ERBB2: variants seen among roughly 807,000 people sequenced by gnomAD.
ERBB2 encodes receptor tyrosine-protein kinase erbB-2.
Under a neutral mutation model 149.0 loss-of-function variants are expected in ERBB2, and 61 were observed. The ratio of observed to expected loss-of-function variants is 0.41; its 90% confidence interval spans 0.33 to 0.51. The LOEUF is 0.51. Among genes scored for constraint, ERBB2 ranks in the 20% least tolerant of loss-of-function variants. The pLI is 0.25. For missense variants in ERBB2, 1,205 were observed against 1,655.1 expected, an observed-to-expected ratio of 0.73 and a Z score of 4.72; for synonymous variants, 633 against 678.8, an observed-to-expected ratio of 0.93 and a Z score of 1.05.
upstream of ERBB2, among the ~76,000 whole-genome samples, chr17:39,691,959 C>A (rs181058740): frequency 0.013 from 1,124 of 88,644 alleles, 21 homozygotes; most frequent in African/African-American, 0.042. Flanking sequence ...ATATATATAT[C>A]TCTTGTGTCT....
chr17:39,694,294 T>A (rs1347819371), upstream of ERBB2, among the ~76,000 whole-genome samples: 1 of 52,902 alleles, frequency 1.9e-5, no homozygotes, highest in African/African-American at 5.9e-5. Context: ...TATATACACA[T>A]ATATATGTGT....
chr17:39,699,932 TC>T (rs1374023164), upstream of ERBB2: 5 of 1,098,364 alleles, frequency 4.6e-6, no homozygotes, highest in Non-Finnish European at 5.9e-6. Flanking sequence ...GAGTTGCCAC[TC>T]CCAGACTTGT....
At chr17:39,701,789 G>T (rs1163441047) in intron 1 of ERBB2, among the ~76,000 whole-genome samples, 3 of 152,158 alleles carry the variant, frequency 2.0e-5, no homozygotes, top group Admixed American at 2.0e-4. Context: ...ATAAACAGAG[G>T]GAGGTAGCCT....
In ERBB2 at chr17:39,727,255, C is replaced by T. The variant is rs1032800069; in HGVS notation, c.3160-40C>T. ...TTCCATGGAGTCCCCATCCCAGATC[C>T]GTGAGTGACCCCCATCATGACTTTC... is the stretch of plus-strand genomic sequence containing the variant. On this transcript the variant is annotated intron_variant, in intron 25 of 26. Transcript: ENST00000269571. This position sits in a 1 kb window ranked among gnomAD's most constrained non-coding sequence, Gnocchi z 4.3. The T allele has an allele frequency of 1.5e-5, 24 of 1,608,148 alleles. No individual in the cohort carries two copies. Among genetic ancestry groups the T allele is most frequent in the Non-Finnish European group, 1.9e-5 (22 of 1,178,358 alleles).
chr17:39,710,060 C>A (rs2145499621), intron 5 of ERBB2, 26 bp from the exon 6 acceptor site: 1 of 1,589,396 alleles, frequency 6.3e-7, no homozygotes. Flanking sequence ...CGCCACTCAG[C>A]CCTCATCCTG....
intron 1 of ERBB2, among the ~76,000 whole-genome samples, chr17:39,704,226 G>A (rs2058280176): frequency 6.6e-6 from 1 of 152,108 alleles, no homozygotes; most frequent in Admixed American, 6.6e-5. Context: ...GGTTCCTGAG[G>A]GGCAGGGTCC....
rs767164590 is a variant in ERBB2 at position 39,724,902 on chromosome 17, G to C, written c.2484G>C (p.Gln828His). The C allele has an allele frequency of 6.2e-7, 1 of 1,614,040 alleles. No individual in the cohort carries two copies. The highest frequency in any genetic ancestry group is 8.5e-7 in the Non-Finnish European group (1 of 1,179,900). ...AGGACCTGCTGAACTGGTGTATGCA[G>C]ATTGCCAAGGTATGCACCTGGGCTC... Reference protein sequence around the residue: ...GSQDLLNWCMQIAKGMSYLED... With the variant: ...GSQDLLNWCMHIAKGMSYLED... Residue 828 changes from glutamine to histidine, a missense_variant, in exon 20 of 27, where the codon CAG becomes CAC. Gln to His is a conservative substitution (Grantham distance 24). Transcript: ENST00000269571.
intron 8 of ERBB2, 46 bp from the exon 9 acceptor site, chr17:39,712,276 A>G (rs2145572463): frequency 6.2e-7 from 1 of 1,611,968 alleles, no homozygotes; most frequent in Non-Finnish European, 8.5e-7. Context: ...CTGTCCCGGT[A>G]TGAAGGCTGA....
chr17:39,724,890 C>CTGGT lies in ERBB2; in HGVS notation c.2473_2476dup (p.Cys826LeufsTer49). The CTGGT allele has an allele frequency of 6.2e-7, 1 of 1,614,146 alleles. No homozygotes were observed. Among genetic ancestry groups the CTGGT allele is most frequent in the Non-Finnish European group, 8.5e-7 (1 of 1,179,994 alleles). On this transcript the variant is annotated frameshift_variant, in exon 20 of 27. Coordinates refer to ENST00000269571, the MANE Select transcript of ERBB2 (RefSeq NM_004448.4). LOFTEE classifies it high-confidence loss of function. ...GCCTGGGCTCCCAGGACCTGCTGAA[C>CTGGT]TGGTGTATGCAGATTGCCAAGGTAT...
At chr17:39,724,416 C>T (rs1230048007) in intron 19 of ERBB2, among the ~76,000 whole-genome samples, 6 of 151,728 alleles carry the variant, frequency 4.0e-5, no homozygotes, top group Non-Finnish European at 8.8e-5. Flanking sequence ...CGAGCCACCA[C>T]GCCCGGCTAA....
chr17:39,723,319 C>T lies in ERBB2; in HGVS notation c.1947C>T (p.Ser649=), dbSNP rs2145801734. 1 of 1,613,946 alleles carries T rather than the reference C, an allele frequency of 6.2e-7. No homozygotes were observed. Among genetic ancestry groups the T allele is most frequent in the South Asian group, 1.1e-5 (1 of 91,068 alleles). Residue 649 remains serine (S), a splice_region_variant and synonymous_variant, in exon 17 of 27, where the codon AGC becomes AGT. Coordinates refer to ENST00000269571, the MANE Select transcript of ERBB2 (RefSeq NM_004448.4). This position sits in a 1 kb window ranked among gnomAD's most constrained non-coding sequence, Gnocchi z 6.2. ...CCCTGACCCTGGCTTCCGCCCCCAG[C>T]CCTCTGACGTCCATCATCTCTGCGG... ...DKGCPAEQRA[S]PLTSIISAVV...
intron 14 of ERBB2, chr17:39,717,081 T>C: frequency 2.0e-6 from 1 of 494,838 alleles, no homozygotes; most frequent in Non-Finnish European, 3.6e-6. Flanking sequence ...TGCGTTTTCC[T>C]CTCTGGGTGC....
chr17:39,694,041 C>T (rs1186630688), upstream of ERBB2, among the ~76,000 whole-genome samples: 1 of 146,768 alleles, frequency 6.8e-6, no homozygotes, highest in Non-Finnish European at 1.5e-5. Flanking sequence ...CAAAAATTAG[C>T]TGGATGTGGT....
Position 39,726,923 on chromosome 17 carries a change from C to G in ERBB2, c.3079C>G (p.Gln1027Glu). Residue 1027 changes from glutamine (Q) to glutamate (E), a missense_variant, in exon 25 of 27, where the codon CAG (glutamine) becomes GAG (glutamate). Around this residue, in one of 6 missense-constraint regions of ERBB2, gnomAD observed 312 missense variants for 343.8 expected, o/e 0.91. Coordinates refer to ENST00000269571, the MANE Select transcript of ERBB2 (RefSeq NM_004448.4). The surrounding 1 kb of genome is among the most constrained non-coding windows in gnomAD (Gnocchi z 5.1). ...LVDAEEYLVP[Q>E]QGFFCPDPAP... ...GGATGCTGAGGAGTATCTGGTACCC[C>G]AGCAGGGCTTCTTCTGTCCAGACCC... The G allele has an allele frequency of 1.2e-6, 2 of 1,613,906 alleles. No homozygotes were observed. Among genetic ancestry groups the G allele is most frequent in the Non-Finnish European group, 8.5e-7 (1 of 1,179,950 alleles).
intron 9 of ERBB2, among the ~76,000 whole-genome samples, chr17:39,714,584 T>A (rs191397129): frequency 2.0e-5 from 3 of 152,156 alleles, no homozygotes; most frequent in Non-Finnish European, 2.9e-5. Context: ...TACTAGGTGC[T>A]CCTAAATGTT....
rs1000371669 is a variant in ERBB2 at position 39,725,566 on chromosome 17, A to G, written c.2726-141A>G. On this transcript the variant is annotated intron_variant, in intron 22 of 26. Coordinates refer to ENST00000269571, the MANE Select transcript of ERBB2 (RefSeq NM_004448.4). The surrounding 1 kb of genome is among the most constrained non-coding windows in gnomAD (Gnocchi z 4.6). ...GTCTGTGCACTTCCCAGGATTAGGG[A>G]AAGACCGGGTAGGGTCTGTCTCCTG... is the stretch of plus-strand genomic sequence containing the variant. 96 of 1,213,770 alleles carry G rather than the reference A, an allele frequency of 7.9e-5. No individual in the cohort carries two copies. The Admixed American group carries it at 2.0e-3, about 25-fold the overall frequency. The allele number at this position is 1,213,770 out of a possible 1,614,324, so 75.2% of individuals were successfully genotyped here.
At position 39,726,470 on chromosome 17, in the gene ERBB2, C is replaced by T. The variant is rs2143116251; in HGVS notation, c.2873-92C>T. ...GAGGGCTTTGGGCTGTCCCTTGGGACTGTCTAGACCAGACTGGAGGGGGAG... is the reference window on the plus strand; with the variant it reads ...GAGGGCTTTGGGCTGTCCCTTGGGATTGTCTAGACCAGACTGGAGGGGGAG... On this transcript the variant is annotated intron_variant, in intron 23 of 26. Coordinates refer to ENST00000269571, the MANE Select transcript of ERBB2 (RefSeq NM_004448.4). This position sits in a 1 kb window ranked among gnomAD's most constrained non-coding sequence, Gnocchi z 5.1. The T allele has an allele frequency of 9.5e-7, 1 of 1,047,252 alleles. No individual in the cohort carries two copies. The highest frequency in any genetic ancestry group is 2.5e-5 in the East Asian group (1 of 39,952). The allele number at this position is 1,047,252 out of a possible 1,614,324, so 64.9% of individuals were successfully genotyped here.
Position 39,707,082 on chromosome 17 carries a change from G to C in ERBB2, c.166G>C (p.Val56Leu), listed in dbSNP as rs2145408386. Residue 56 changes from valine to leucine, a missense_variant, in exon 2 of 27, where the codon GTG (valine) becomes CTG (leucine). Physicochemically the swap from Val to Leu is conservative, Grantham distance 32 (BLOSUM62 1). Coordinates refer to ENST00000269571, the MANE Select transcript of ERBB2 (RefSeq NM_004448.4). Reference protein sequence around the residue: ...LRHLYQGCQVVQGNLELTYLP... With the variant: ...LRHLYQGCQVLQGNLELTYLP... Reference sequence around the variant, plus strand: ...CCACCTCTACCAGGGCTGCCAGGTGGTGCAGGGAAACCTGGAACTCACCTA... The same window carrying C: ...CCACCTCTACCAGGGCTGCCAGGTGCTGCAGGGAAACCTGGAACTCACCTA... 2.5e-6 allele frequency: 4 copies of C among 1,606,362 alleles called. No homozygotes were observed. The highest frequency in any genetic ancestry group is 3.4e-6 in the Non-Finnish European group (4 of 1,176,566).
At chr17:39,704,604 T>C (rs947203519) in intron 1 of ERBB2, among the ~76,000 whole-genome samples, 3 of 151,942 alleles carry the variant, frequency 2.0e-5, no homozygotes, top group African/African-American at 7.2e-5. Flanking sequence ...AGGGCAGATA[T>C]GGGGACAATG....
Sources: allele counts gnomAD v4.1 joint callset (sites outside exome capture counted in the v4.1 genomes callset), GRCh38; gene constraint gnomAD v4.1.1; regional missense constraint gnomAD v4.1.1; non-coding constraint Gnocchi (gnomAD v3.1); transcripts MANE v1.5; gene names NCBI Gene and HGNC (gene_info 2026-07-23, HGNC 2026-07-21).